ZSCAN20: variants seen among roughly 807,000 people sequenced by gnomAD.
ZSCAN20 encodes the protein zinc finger and SCAN domain containing 20.
In ZSCAN20, 39 loss-of-function variants were observed where a neutral mutation model predicts 97.1. The ratio of observed to expected loss-of-function variants is 0.40; its 90% CI spans 0.31 to 0.52. ZSCAN20 has a LOEUF of 0.52. Among genes scored for constraint, ZSCAN20 ranks in the 20% least tolerant of loss-of-function variants. The pLI is 0.49. For missense variants in ZSCAN20, 1,115 were observed against 1,290.4 expected, an observed-to-expected ratio of 0.86 and a Z score of 2.08; for synonymous variants, 456 against 467.3, an observed-to-expected ratio of 0.98 and a Z score of 0.31.
Position 33,491,789 on chromosome 1 carries a change from C to T in ZSCAN20, c.1444+87C>T. 6.5e-6 allele frequency: 9 copies of T among 1,394,218 alleles called. No homozygotes were observed. Among genetic ancestry groups the T allele is most frequent in the Non-Finnish European group, 8.7e-6 (9 of 1,034,020 alleles). 86.4% of individuals were successfully genotyped at this position (1,394,218 alleles called of 1,614,324 possible). A position where few individuals can be genotyped will look rare whatever the true frequency, so the allele number is the denominator to read the frequency against. ...TTCCCTGAGGTCAGGGCACAGGCTG[C>T]AAGTCTGGATTGAAGCCACTAGAGT... On this transcript the variant is annotated intron_variant, in intron 6 of 7. Transcript: ENST00000684572. This position sits in a 1 kb window ranked among gnomAD's most constrained non-coding sequence, Gnocchi z 4.3.
Position 33,496,223 on chromosome 1 carries a change from C to G in ZSCAN20, c.*747C>G, listed in dbSNP as rs1032165634. On this transcript the variant is annotated 3_prime_UTR_variant, in exon 8 of 8. Coordinates refer to ENST00000684572, the MANE Select transcript of ZSCAN20 (RefSeq NM_001377376.1). ...ACAGATCTGTCTGTCTTGAGTCTAT[C>G]GTGCTCTTATTGCTATACTGAATTC... 2.6e-5 allele frequency: 4 copies of G among 152,206 alleles called. No homozygotes were observed. Among genetic ancestry groups the G allele is most frequent in the Non-Finnish European group, 5.9e-5 (4 of 68,042 alleles). The allele number at this position is 152,206 out of a possible 1,614,324, so 9.4% of individuals were successfully genotyped here.
At chr1:33,489,066 T>C (rs1652487703) in intron 3 of ZSCAN20, 49 bp from the exon 4 acceptor site, 2 of 1,541,640 alleles carry the variant, frequency 1.3e-6, no homozygotes, top group East Asian at 2.3e-5. Flanking sequence ...AGGGAGGTGA[T>C]TTTTTGGGAA....
Position 33,495,676 on chromosome 1 carries a change from T to C in ZSCAN20, c.*200T>C. ...GGCACTTTTAAGTGTAATTTGTTTT[T>C]CTTCTGTAAAGACCCACACAGAATC... On this transcript the variant is annotated 3_prime_UTR_variant, in exon 8 of 8. Transcript: ENST00000684572. 2.2e-6 allele frequency: 1 copy of C among 449,232 alleles called. No individual in the cohort carries two copies. The highest frequency in any genetic ancestry group is 3.8e-6 in the Non-Finnish European group (1 of 265,788). 27.8% of individuals were successfully genotyped at this position (449,232 alleles called of 1,614,324 possible).
At chr1:33,486,157 C>T (rs1209197359) in intron 2 of ZSCAN20, among the ~76,000 whole-genome samples, 1 of 152,164 alleles carries the variant, frequency 6.6e-6, no homozygotes, top group Non-Finnish European at 1.5e-5. Flanking sequence ...TTCTTTTTTC[C>T]TGCCATCTGC....
rs200147926 is a variant in ZSCAN20 at position 33,479,631 on chromosome 1, C to T, written c.343C>T (p.His115Tyr). Reference sequence around the variant, plus strand: ...GGTCCAGACCTGGGTGCAGGCACGCCACCCTGAGAGTGGTGAGGAGGCTGT... The same window carrying T: ...GGTCCAGACCTGGGTGCAGGCACGCTACCCTGAGAGTGGTGAGGAGGCTGT... ...REVQTWVQAR[H>Y]PESGEEAVAL... Residue 115 changes from histidine (H) to tyrosine (Y), a missense_variant, in exon 2 of 8, where the codon CAC (histidine) becomes TAC (tyrosine). Transcript: ENST00000684572. The T allele has an allele frequency of 5.0e-6, 8 of 1,611,392 alleles. No individual in the cohort carries two copies. Among genetic ancestry groups the T allele is most frequent in the Non-Finnish European group, 6.8e-6 (8 of 1,178,752 alleles).
chr1:33,474,498 C>G (rs1271051142), intron 1 of ZSCAN20, among the ~76,000 whole-genome samples: 2 of 152,206 alleles, frequency 1.3e-5, no homozygotes, highest in African/African-American at 4.8e-5. Flanking sequence ...CCCTCAGCTT[C>G]CCTGTGTTTG....
intron 2 of ZSCAN20, among the ~76,000 whole-genome samples, chr1:33,480,363 C>T (rs911310811): frequency 2.6e-5 from 4 of 152,116 alleles, no homozygotes; most frequent in African/African-American, 9.7e-5. Context: ...ACAAACGAAA[C>T]AAAACAAAAT....
chr1:33,495,255 C>T lies in ZSCAN20; in HGVS notation c.2911C>T (p.Arg971Cys), dbSNP rs866148762. 1.7e-5 allele frequency: 28 copies of T among 1,611,596 alleles called. No homozygotes were observed. Among genetic ancestry groups the T allele is most frequent in the Middle Eastern group, 1.6e-4 (1 of 6,076 alleles). ...TGAGTGTGGAAAATTCTTCCGTGACCGTTCTAACCTCATTACTCACCAGAG... is the reference window on the plus strand; with the variant it reads ...TGAGTGTGGAAAATTCTTCCGTGACTGTTCTAACCTCATTACTCACCAGAG... ...CLECGKFFRD[R>C]SNLITHQRIH... is the part of the protein sequence containing the mutation. Residue 971 changes from arginine to cysteine, a missense_variant, in exon 8 of 8, where the codon CGT becomes TGT. Transcript: ENST00000684572.
chr1:33,496,224 G>A lies in ZSCAN20; in HGVS notation c.*748G>A, dbSNP rs764949858. The A allele has an allele frequency of 5.9e-5, 9 of 152,164 alleles. No individual in the cohort carries two copies. Among genetic ancestry groups the A allele is most frequent in the Non-Finnish European group, 1.0e-4 (7 of 68,024 alleles). The allele number at this position is 152,164 out of a possible 1,614,324, so 9.4% of individuals were successfully genotyped here. A position where few individuals can be genotyped will look rare whatever the true frequency, so the allele number is the denominator to read the frequency against. On this transcript the variant is annotated 3_prime_UTR_variant, in exon 8 of 8. Transcript: ENST00000684572. ...CAGATCTGTCTGTCTTGAGTCTATC[G>A]TGCTCTTATTGCTATACTGAATTCC... is the stretch of plus-strand genomic sequence containing the variant.
In ZSCAN20 at chr1:33,500,869, C is replaced by G. The variant is rs899384006; in HGVS notation, c.*5393C>G. On this transcript the variant is annotated 3_prime_UTR_variant, in exon 8 of 8. Transcript: ENST00000684572. ...GGCAGAGTTGTGACTACTAGAATCT[C>G]GAGTCACTGGGGCTCAGGGAGCCCT... Among the ~76,000 whole-genome samples, 1 of 151,834 alleles carries G rather than the reference C, an allele frequency of 6.6e-6. No individual in the cohort carries two copies. Among genetic ancestry groups the G allele is most frequent in the Non-Finnish European group, 1.5e-5 (1 of 67,998 alleles).
At position 33,500,955 on chromosome 1, in the gene ZSCAN20, G is replaced by T. The variant is rs1231245216; in HGVS notation, c.*5479G>T. On this transcript the variant is annotated 3_prime_UTR_variant, in exon 8 of 8. Coordinates refer to ENST00000684572, the MANE Select transcript of ZSCAN20 (RefSeq NM_001377376.1). ...GAAAGGAGTCTTCTCCTTCCACATA[G>T]AACACACTTGGCTTCAGTGCTTTGG... 6.6e-6 allele frequency among the ~76,000 whole-genome samples: 1 copy of T among 152,096 alleles called. No individual in the cohort carries two copies. Among genetic ancestry groups the T allele is most frequent in the Non-Finnish European group, 1.5e-5 (1 of 68,022 alleles).
Position 33,495,278 on chromosome 1 carries a change from G to A in ZSCAN20, c.2934G>A (p.Gln978=). The A allele has an allele frequency of 1.2e-6, 2 of 1,612,034 alleles. No homozygotes were observed. Among genetic ancestry groups the A allele is most frequent in the Non-Finnish European group, 1.7e-6 (2 of 1,178,668 alleles). ...ACCGTTCTAACCTCATTACTCACCA[G>A]AGGATTCATACGGGAGAGAAGCCGT... ...FRDRSNLITH[Q]RIHTGEKPYK... Residue 978 remains glutamine (Q), a synonymous_variant, in exon 8 of 8, where the codon CAG becomes CAA. Coordinates refer to ENST00000684572, the MANE Select transcript of ZSCAN20 (RefSeq NM_001377376.1).
At chr1:33,475,403 G>T (rs1280975720) in intron 1 of ZSCAN20, among the ~76,000 whole-genome samples, 1 of 152,156 alleles carries the variant, frequency 6.6e-6, no homozygotes, top group African/African-American at 2.4e-5. Context: ...AAACTAACAC[G>T]CTGCCTTTCA....
At chr1:33,473,063 TA>T (rs1318205411) in intron 1 of ZSCAN20, among the ~76,000 whole-genome samples, 2 of 151,842 alleles carry the variant, frequency 1.3e-5, no homozygotes, top group Non-Finnish European at 2.9e-5. Flanking sequence ...AGCCCGACCT[TA>T]AAAATAGTGT....
intron 2 of ZSCAN20, among the ~76,000 whole-genome samples, chr1:33,484,290 G>T (rs148946731): frequency 2.1e-4 from 32 of 152,292 alleles, no homozygotes; most frequent in African/African-American, 7.0e-4. Flanking sequence ...AAAGCACTGT[G>T]TTTCTTACCA....
Position 33,495,804 on chromosome 1 carries a change from T to G in ZSCAN20, c.*328T>G. On this transcript the variant is annotated 3_prime_UTR_variant, in exon 8 of 8. Coordinates refer to ENST00000684572, the MANE Select transcript of ZSCAN20 (RefSeq NM_001377376.1). ...TTAAATCAGTGGTCCTGAGCAGTGA[T>G]TCCAAACTCTCACTGTGCCTTCACA... is the stretch of plus-strand genomic sequence containing the variant. The G allele has an allele frequency of 5.4e-6, 1 of 183,716 alleles. No homozygotes were observed. 11.4% of individuals were successfully genotyped at this position (183,716 alleles called of 1,614,324 possible). A position where few individuals can be genotyped will look rare whatever the true frequency, so the allele number is the denominator to read the frequency against.
Position 33,501,439 on chromosome 1 carries a change from A to T in ZSCAN20, c.*5963A>T, listed in dbSNP as rs1335660352. ...AGGAGCCTCAGGGATTTAATGTCCA[A>T]TTCTAAAACCTGAACAGGCCCTTTT... is the stretch of plus-strand genomic sequence containing the variant. On this transcript the variant is annotated 3_prime_UTR_variant, in exon 8 of 8. Coordinates refer to ENST00000684572, the MANE Select transcript of ZSCAN20 (RefSeq NM_001377376.1). Among the ~76,000 whole-genome samples the T allele has an allele frequency of 1.3e-5, 2 of 152,172 alleles. No individual in the cohort carries two copies. Among genetic ancestry groups the T allele is most frequent in the Non-Finnish European group, 2.9e-5 (2 of 68,040 alleles).
chr1:33,476,942 T>C (rs1651960609), intron 1 of ZSCAN20, among the ~76,000 whole-genome samples: 1 of 152,244 alleles, frequency 6.6e-6, no homozygotes, highest in African/African-American at 2.4e-5. Context: ...TTAATGGCCC[T>C]GCTATTTATC....
At position 33,491,548 on chromosome 1, in the gene ZSCAN20, C is replaced by T. The variant is rs34118566; in HGVS notation, c.1290C>T (p.Leu430=). Residue 430 remains leucine, a synonymous_variant, in exon 6 of 8, where the codon CTC becomes CTT. Coordinates refer to ENST00000684572, the MANE Select transcript of ZSCAN20 (RefSeq NM_001377376.1). The surrounding 1 kb of genome is among the most constrained non-coding windows in gnomAD (Gnocchi z 4.3). ...GAGAGGCCGTGGCACTTCCCAGGCTCGGGTATAGTGACGCAGAGATGGATG... is the reference window on the plus strand; with the variant it reads ...GAGAGGCCGTGGCACTTCCCAGGCTTGGGTATAGTGACGCAGAGATGGATG... ...GPGEAVALPR[L]GYSDAEMDEQ... The T allele has an allele frequency of 8.9e-4, 1,434 of 1,614,018 alleles. 14 individuals are homozygous for T. The African/African-American group carries it at 0.017, about 19-fold the overall frequency.
Sources: allele counts gnomAD v4.1 joint callset (sites outside exome capture counted in the v4.1 genomes callset), GRCh38; gene constraint gnomAD v4.1.1; non-coding constraint Gnocchi (gnomAD v3.1); transcripts MANE v1.5; gene names NCBI Gene and HGNC (gene_info 2026-07-23, HGNC 2026-07-21).